Variants in GULP1 observed in about 807,000 individuals in gnomAD.
The protein encoded by GULP1 is PTB domain-containing engulfment adapter protein 1.
GULP1 carries 19 observed loss-of-function variants against 40.9 expected under a neutral mutation model. That is an observed-to-expected ratio of 0.46 (90% CI 0.32 to 0.68). GULP1 has a LOEUF of 0.68. Among genes scored for constraint, GULP1 ranks in the 30% least tolerant of loss-of-function variants. The pLI is 0.03. For synonymous variants in GULP1, 119 were observed against 117.6 expected (o/e 1.01, Z -0.08); for missense variants, 312 against 362.2 (o/e 0.86, Z 1.12).
chr2:188,532,779 G>A (rs140295004), intron 6 of GULP1, among the ~76,000 whole-genome samples: 5,832 of 151,202 alleles, frequency 0.039, 262 homozygotes, highest in African/African-American at 0.1. Context: ...AAAGTAGCTG[G>A]GTGTGGTGGT....
chr2:188,468,849 A>C (rs1415918640), intron 2 of GULP1, among the ~76,000 whole-genome samples: 1 of 152,182 alleles, frequency 6.6e-6, no homozygotes, highest in African/African-American at 2.4e-5. Context: ...CAATTGCAAT[A>C]AGGAAAATAT....
At chr2:188,325,418 C>T (rs1254956050) in intron 1 of GULP1, among the ~76,000 whole-genome samples, 1 of 151,826 alleles carries the variant, frequency 6.6e-6, no homozygotes, top group Admixed American at 6.6e-5. Context: ...TTAAGTCTAG[C>T]CAACTAGAAT....
intron 9 of GULP1, among the ~76,000 whole-genome samples, chr2:188,570,507 A>G (rs1432149858): frequency 1.3e-5 from 2 of 152,162 alleles, no homozygotes; most frequent in Admixed American, 6.5e-5. Context: ...TAGGAATTCA[A>G]CTGTGAGCAA....
At chr2:188,461,835 T>C (rs1206613824) in intron 2 of GULP1, among the ~76,000 whole-genome samples, 1 of 152,168 alleles carries the variant, frequency 6.6e-6, no homozygotes, top group African/African-American at 2.4e-5. Context: ...CTGTTTTTTC[T>C]TAGTCTGGGT....
intron 4 of GULP1, among the ~76,000 whole-genome samples, chr2:188,518,651 T>C (rs2065427735): frequency 6.6e-6 from 1 of 152,166 alleles, no homozygotes; most frequent in Admixed American, 6.5e-5. Flanking sequence ...AACTGGAAGA[T>C]GGGTCTCTGA....
intron 4 of GULP1, among the ~76,000 whole-genome samples, chr2:188,503,274 A>G (rs2063598993): frequency 6.6e-6 from 1 of 151,804 alleles, no homozygotes; most frequent in African/African-American, 2.4e-5. Context: ...ACACTGCTAT[A>G]AAGAACTGCT....
At chr2:188,328,663 A>G (rs903263323) in intron 1 of GULP1, among the ~76,000 whole-genome samples, 1 of 152,132 alleles carries the variant, frequency 6.6e-6, no homozygotes, top group Non-Finnish European at 1.5e-5. Context: ...AGAATAAGTA[A>G]TGTTTTTCTG....
intron 2 of GULP1, among the ~76,000 whole-genome samples, chr2:188,443,520 A>G (rs2058115173): frequency 6.6e-6 from 1 of 152,222 alleles, no homozygotes; most frequent in African/African-American, 2.4e-5. Flanking sequence ...GAGCCTAAGC[A>G]GTCAAGCAAA....
chr2:188,588,920 G>A (rs72898833), intron 11 of GULP1: 2 of 152,088 alleles, frequency 1.3e-5, no homozygotes, highest in Non-Finnish European at 2.9e-5. Flanking sequence ...TTTCTAGGTA[G>A]TACATGAATT....
intron 2 of GULP1, among the ~76,000 whole-genome samples, chr2:188,424,529 A>G (rs1247518797): frequency 6.6e-6 from 1 of 151,988 alleles, no homozygotes; most frequent in Non-Finnish European, 1.5e-5. Flanking sequence ...ATTTCTAAAA[A>G]AGAAAACTAT....
chr2:188,555,823 G>C (rs1694598920), intron 7 of GULP1, among the ~76,000 whole-genome samples: 1 of 152,058 alleles, frequency 6.6e-6, no homozygotes, highest in Non-Finnish European at 1.5e-5. Flanking sequence ...CACTTTGGAA[G>C]GCCAGGAAAG....
chr2:188,299,963 T>C (rs2035834432), intron 1 of GULP1, among the ~76,000 whole-genome samples: 1 of 152,230 alleles, frequency 6.6e-6, no homozygotes, highest in Non-Finnish European at 1.5e-5. Flanking sequence ...ATGTTCCTCC[T>C]TTATGTTTCC....
intron 2 of GULP1, among the ~76,000 whole-genome samples, chr2:188,403,781 G>A (rs758602186): frequency 6.6e-6 from 1 of 152,156 alleles, no homozygotes; most frequent in Non-Finnish European, 1.5e-5. Flanking sequence ...AGTGAGCCCA[G>A]GGAGAAGTAA....
chr2:188,568,041 A>G (rs144338113), intron 7 of GULP1, among the ~76,000 whole-genome samples: 8 of 152,084 alleles, frequency 5.3e-5, no homozygotes, highest in Non-Finnish European at 1.0e-4. Context: ...TTTCTTTTGT[A>G]AAACAGTCTT....
intron 1 of GULP1, among the ~76,000 whole-genome samples, chr2:188,342,563 G>A (rs1354909513): frequency 6.6e-6 from 1 of 151,918 alleles, no homozygotes; most frequent in African/African-American, 2.4e-5. Context: ...TATCTTTTGG[G>A]GACCACTATT....
At chr2:188,573,640 G>A (rs1404051228) in intron 9 of GULP1, among the ~76,000 whole-genome samples, 1 of 152,026 alleles carries the variant, frequency 6.6e-6, no homozygotes, top group Non-Finnish European at 1.5e-5. Flanking sequence ...AGGACTCTGT[G>A]GGTTTTATGT....
At chr2:188,533,802 C>T (rs139352744) in intron 6 of GULP1, among the ~76,000 whole-genome samples, 267 of 151,482 alleles carry the variant, frequency 1.8e-3, no homozygotes, top group Middle Eastern at 0.01. Context: ...AATAATAACC[C>T]GATTAAAAAG....
intron 2 of GULP1, among the ~76,000 whole-genome samples, chr2:188,465,404 T>C (rs1240723054): frequency 1.3e-5 from 2 of 151,830 alleles, no homozygotes; most frequent in Admixed American, 6.6e-5. Flanking sequence ...TCCTCCCCAC[T>C]CTTCCCTCTC....
chr2:188,408,749 TGATA>T (rs2053473571), intron 2 of GULP1, among the ~76,000 whole-genome samples: 2 of 152,188 alleles, frequency 1.3e-5, no homozygotes, highest in African/African-American at 4.8e-5. Flanking sequence ...ACATTCTCCA[TGATA>T]GATCATATCT....
Sources: gnomAD v4.1 joint callset for allele counts (sites outside exome capture counted in the v4.1 genomes callset) on GRCh38, gnomAD v4.1.1 for gene constraint, MANE v1.5 for transcripts, NCBI Gene and HGNC (gene_info 2026-07-23, HGNC 2026-07-21) for gene names.